PDSS2: variants seen among roughly 807,000 people sequenced by gnomAD.
PDSS2 encodes the protein all trans-polyprenyl-diphosphate synthase PDSS2.
PDSS2 carries 31 observed loss-of-function variants against 44.5 expected under a neutral mutation model. That is an observed-to-expected ratio of 0.70 (90% CI 0.52 to 0.94). PDSS2 has a LOEUF of 0.94. Ranked by LOEUF, PDSS2 falls within the 40% of genes least tolerant of loss-of-function variation. The pLI, the probability that PDSS2 is intolerant of heterozygous loss-of-function variation, is 0.00. For missense variants in PDSS2, 452 were observed against 482.2 expected (o/e 0.94, Z 0.59); for synonymous variants, 157 against 180.3 (o/e 0.87, Z 1.03).
At chr6:107,281,090 CTT>C (rs1775947832) in intron 2 of PDSS2, among the ~76,000 whole-genome samples, 1 of 152,060 alleles carries the variant, frequency 6.6e-6, no homozygotes, top group Non-Finnish European at 1.5e-5. Context: ...TGGTGTATAC[CTT>C]TGATATTTTG....
chr6:107,344,255 C>T (rs1276127565), intron 1 of PDSS2, among the ~76,000 whole-genome samples: 1 of 151,912 alleles, frequency 6.6e-6, no homozygotes, highest in African/African-American at 2.4e-5. Flanking sequence ...AAGAAAAAAA[C>T]ACTCCATGAA....
chr6:107,448,305 G>C (rs1005279761), intron 1 of PDSS2, among the ~76,000 whole-genome samples: 1 of 151,996 alleles, frequency 6.6e-6, no homozygotes, highest in Non-Finnish European at 1.5e-5. Context: ...ACAATGTCAG[G>C]GTTGCAAATT....
chr6:107,385,335 T>C (rs1345049512), intron 1 of PDSS2, among the ~76,000 whole-genome samples: 1 of 142,656 alleles, frequency 7.0e-6, no homozygotes, highest in Non-Finnish European at 1.5e-5. Flanking sequence ...CCCTGTCTCT[T>C]AAAAAAAAAA....
At chr6:107,402,405 A>G (rs1780136610) in intron 1 of PDSS2, among the ~76,000 whole-genome samples, 1 of 26,754 alleles carries the variant, frequency 3.7e-5, no homozygotes, top group Non-Finnish European at 8.4e-5. Context: ...TTCTCACAAT[A>G]AAGATATACC....
intron 3 of PDSS2, among the ~76,000 whole-genome samples, chr6:107,271,915 T>G (rs768296632): frequency 1.3e-5 from 2 of 151,746 alleles, no homozygotes; most frequent in Non-Finnish European, 2.9e-5. Context: ...ATACAAAAAA[T>G]TAGCCAGGTA....
At chr6:107,161,387 G>A (rs1771124675) in intron 7 of PDSS2, among the ~76,000 whole-genome samples, 1 of 151,874 alleles carries the variant, frequency 6.6e-6, no homozygotes, top group Non-Finnish European at 1.5e-5. Flanking sequence ...GGCTGAGGCA[G>A]GAGAATGGCG....
chr6:107,205,073 G>A (rs1010168304), intron 6 of PDSS2, among the ~76,000 whole-genome samples: 5 of 152,166 alleles, frequency 3.3e-5, no homozygotes, highest in African/African-American at 9.7e-5. Context: ...TGTTATTAAT[G>A]AGGAATCTGC....
chr6:107,396,119 T>C (rs1779931671), intron 1 of PDSS2, among the ~76,000 whole-genome samples: 1 of 152,206 alleles, frequency 6.6e-6, no homozygotes, highest in African/African-American at 2.4e-5. Flanking sequence ...GTTCAGCTCC[T>C]CAATAACTTT....
chr6:107,174,043 G>A (rs1394138902), intron 7 of PDSS2, among the ~76,000 whole-genome samples: 1 of 152,172 alleles, frequency 6.6e-6, no homozygotes, highest in Non-Finnish European at 1.5e-5. Context: ...AGGCAGGAAT[G>A]GTCTCACAGC....
At chr6:107,408,944 C>A (rs185745012) in intron 1 of PDSS2, among the ~76,000 whole-genome samples, 1 of 152,220 alleles carries the variant, frequency 6.6e-6, no homozygotes, top group Admixed American at 6.5e-5. Flanking sequence ...GACTCCAATT[C>A]CCTGAGAGCA....
intron 4 of PDSS2, among the ~76,000 whole-genome samples, chr6:107,232,042 A>G (rs775490478): frequency 8.6e-5 from 13 of 151,920 alleles, no homozygotes; most frequent in Non-Finnish European, 1.8e-4. Context: ...TCTCTATCTC[A>G]GCTCTCAAGA....
intron 3 of PDSS2, among the ~76,000 whole-genome samples, chr6:107,255,354 G>A (rs1174836193): frequency 6.6e-6 from 1 of 151,422 alleles, no homozygotes; most frequent in East Asian, 1.9e-4. Flanking sequence ...TACCACGCCT[G>A]GCTAATTTTG....
chr6:107,266,386 AT>A (rs61087986), intron 3 of PDSS2, among the ~76,000 whole-genome samples: 1,910 of 143,094 alleles, frequency 0.013, 23 homozygotes, highest in African/African-American at 0.033. Flanking sequence ...CCCCTGAGGC[AT>A]TTTTTTTTTT....
chr6:107,216,613 A>T (rs956681050), intron 4 of PDSS2, among the ~76,000 whole-genome samples: 3 of 152,248 alleles, frequency 2.0e-5, no homozygotes, highest in Non-Finnish European at 4.4e-5. Flanking sequence ...ATGAATATAA[A>T]GACATATCAT....
intron 4 of PDSS2, among the ~76,000 whole-genome samples, chr6:107,223,295 C>T (rs1034753961): frequency 1.0e-4 from 15 of 150,648 alleles, no homozygotes; most frequent in Admixed American, 8.6e-4. Flanking sequence ...TTTGGGAGGC[C>T]GAGGTGGGCA....
At chr6:107,256,470 A>G (rs529457203) in intron 3 of PDSS2, among the ~76,000 whole-genome samples, 24 of 152,278 alleles carry the variant, frequency 1.6e-4, no homozygotes, top group African/African-American at 5.5e-4. Context: ...TTCCTCTTCA[A>G]ATTGGGCCAC....
intron 7 of PDSS2, among the ~76,000 whole-genome samples, chr6:107,183,545 A>T (rs1218730273): frequency 6.6e-6 from 1 of 152,156 alleles, no homozygotes; most frequent in African/African-American, 2.4e-5. Flanking sequence ...TAAAAATATA[A>T]AAAATAGCCA....
At position 107,289,512 on chromosome 6, in the gene PDSS2, CA is replaced by C. The variant is rs970827651; in HGVS notation, c.432-15286del. On this transcript the variant is annotated intron_variant, in intron 2 of 7. Coordinates refer to ENST00000369037, the MANE Select transcript of PDSS2 (RefSeq NM_020381.4). Reference sequence around the variant, plus strand: ...CCCAGGAATCTGAGACCAGCCTGGGCAACACGGCGAAACTATCCCTAGAAAA... The same window carrying C: ...CCCAGGAATCTGAGACCAGCCTGGGCACACGGCGAAACTATCCCTAGAAAA... 5.9e-5 allele frequency among the ~76,000 whole-genome samples: 9 copies of C among 152,034 alleles called. No homozygotes were observed. The East Asian group carries it at 1.4e-3, about 23-fold the overall frequency.
At chr6:107,259,695 A>G (rs1266107160) in intron 3 of PDSS2, among the ~76,000 whole-genome samples, 1 of 151,908 alleles carries the variant, frequency 6.6e-6, no homozygotes, top group African/African-American at 2.4e-5. Flanking sequence ...AATAGAAAAA[A>G]GAAAAAATGA....
Sources: allele counts gnomAD v4.1 joint callset (sites outside exome capture counted in the v4.1 genomes callset), GRCh38; gene constraint gnomAD v4.1.1; transcripts MANE v1.5; gene names NCBI Gene and HGNC (gene_info 2026-07-23, HGNC 2026-07-21).